Variants in TRPS1 observed in about 807,000 individuals in gnomAD.
The protein encoded by TRPS1 is transcriptional repressor GATA binding 1.
A neutral mutation model predicts 101.2 loss-of-function variants in TRPS1; 6 were observed. The ratio of observed to expected loss-of-function variants is 0.06; its 90% CI spans 0.03 to 0.12. The LOEUF is 0.12. Among genes scored for constraint, TRPS1 ranks in the 10% least tolerant of loss-of-function variants. The pLI is 1.00. For missense variants in TRPS1, 1,363 were observed against 1,567.0 expected (o/e 0.87, Z 2.20); for synonymous variants, 578 against 589.8 (o/e 0.98, Z 0.29).
At chr8:115,662,434 G>C (rs1811823430) in intron 1 of TRPS1, among the ~76,000 whole-genome samples, 1 of 151,940 alleles carries the variant, frequency 6.6e-6, no homozygotes, top group African/African-American at 2.4e-5. Context: ...ATTCACAAAA[G>C]AAAAGTCGAA....
chr8:115,579,842 G>A (rs184045961), intron 5 of TRPS1, among the ~76,000 whole-genome samples: 2 of 152,198 alleles, frequency 1.3e-5, no homozygotes, highest in East Asian at 3.9e-4. Flanking sequence ...AATTACAAGT[G>A]AGAGGGAGGC....
chr8:115,629,884 C>T (rs561639868), intron 1 of TRPS1, among the ~76,000 whole-genome samples: 2 of 151,968 alleles, frequency 1.3e-5, no homozygotes, highest in South Asian at 4.1e-4. Context: ...AAAACCAATG[C>T]CTGGGGTCAC....
At chr8:115,640,916 T>G (rs1818881004) in intron 1 of TRPS1, among the ~76,000 whole-genome samples, 2 of 152,190 alleles carry the variant, frequency 1.3e-5, no homozygotes, top group South Asian at 4.1e-4. Context: ...ACTTCTACAT[T>G]TATTCAGGTA....
chr8:115,542,447 T>C (rs1417678559), intron 5 of TRPS1, among the ~76,000 whole-genome samples: 2 of 152,134 alleles, frequency 1.3e-5, no homozygotes, highest in African/African-American at 4.8e-5. Flanking sequence ...AGATGATTTA[T>C]TTATTTCTGG....
chr8:115,434,468 C>T (rs1057072719), intron 5 of TRPS1, among the ~76,000 whole-genome samples: 3 of 152,142 alleles, frequency 2.0e-5, no homozygotes, highest in Non-Finnish European at 4.4e-5. Context: ...TACCAAATTA[C>T]TGTAACAACA....
intron 1 of TRPS1, among the ~76,000 whole-genome samples, chr8:115,656,910 G>A (rs1346423679): frequency 1.3e-5 from 2 of 152,022 alleles, no homozygotes; most frequent in African/African-American, 4.8e-5. Flanking sequence ...TTTCTGATAA[G>A]CTTTAAAAGA....
At chr8:115,508,880 G>T (rs935770880) in intron 5 of TRPS1, among the ~76,000 whole-genome samples, 1 of 151,856 alleles carries the variant, frequency 6.6e-6, no homozygotes, top group Non-Finnish European at 1.5e-5. Flanking sequence ...GGGTACTTAA[G>T]ACTTTGGGGC....
intron 5 of TRPS1, among the ~76,000 whole-genome samples, chr8:115,505,963 C>A (rs927335488): frequency 6.6e-6 from 1 of 151,860 alleles, no homozygotes; most frequent in Non-Finnish European, 1.5e-5. Context: ...AACTTCAAAA[C>A]TATAATGGCT....
intron 1 of TRPS1, among the ~76,000 whole-genome samples, chr8:115,627,871 T>C (rs1336317121): frequency 6.6e-6 from 1 of 151,704 alleles, no homozygotes; most frequent in Non-Finnish European, 1.5e-5. Flanking sequence ...ATATACAGTA[T>C]AGTGAATCTA....
At chr8:115,612,042 A>G (rs1818180489) in intron 3 of TRPS1, among the ~76,000 whole-genome samples, 2 of 152,004 alleles carry the variant, frequency 1.3e-5, no homozygotes, top group Non-Finnish European at 1.5e-5. Context: ...AAATTAAAGG[A>G]AAGAAGAAAG....
At chr8:115,438,462 C>T (rs1290590936) in intron 5 of TRPS1, among the ~76,000 whole-genome samples, 1 of 152,190 alleles carries the variant, frequency 6.6e-6, no homozygotes, top group African/African-American at 2.4e-5. Flanking sequence ...AGAAGAGCAA[C>T]TGGTCAATCA....
At chr8:115,574,525 T>G (rs1020676574) in intron 5 of TRPS1, among the ~76,000 whole-genome samples, 1 of 152,080 alleles carries the variant, frequency 6.6e-6, no homozygotes, top group African/African-American at 2.4e-5. Context: ...CATAGAATAG[T>G]TTTGTACTCT....
intron 5 of TRPS1, among the ~76,000 whole-genome samples, chr8:115,564,145 T>TTAA: frequency 6.6e-6 from 1 of 152,120 alleles, no homozygotes; most frequent in East Asian, 1.9e-4. Context: ...AAATTACACG[T>TTAA]TACACAATGA....
At chr8:115,428,789 C>T (rs943692670) in intron 5 of TRPS1, among the ~76,000 whole-genome samples, 2 of 152,168 alleles carry the variant, frequency 1.3e-5, no homozygotes, top group Non-Finnish European at 2.9e-5. Flanking sequence ...CACTATAAAT[C>T]ATTAAAAATA....
At chr8:115,444,620 G>C (rs1813686944) in intron 5 of TRPS1, among the ~76,000 whole-genome samples, 1 of 152,176 alleles carries the variant, frequency 6.6e-6, no homozygotes, top group South Asian at 2.1e-4. Context: ...AGAGGGCAAA[G>C]AGCACCCTTT....
chr8:115,469,861 A>G (rs998111431), intron 5 of TRPS1, among the ~76,000 whole-genome samples: 3 of 152,136 alleles, frequency 2.0e-5, no homozygotes, highest in Non-Finnish European at 4.4e-5. Context: ...CCACTATGCC[A>G]TATCAATGCT....
At chr8:115,562,654 AT>A (rs902487512) in intron 5 of TRPS1, among the ~76,000 whole-genome samples, 118 of 151,956 alleles carry the variant, frequency 7.8e-4, no homozygotes, top group African/African-American at 2.7e-3. Context: ...AAAATTTTGA[AT>A]TTTTTTTCAA....
intron 5 of TRPS1, among the ~76,000 whole-genome samples, chr8:115,582,925 G>A (rs533286462): frequency 3.4e-4 from 52 of 152,260 alleles, no homozygotes; most frequent in Admixed American, 1.1e-3. Flanking sequence ...ATAACATTCC[G>A]TTTTGACAAA....
At chr8:115,665,083 AAAG>A (rs778840091) in intron 1 of TRPS1, among the ~76,000 whole-genome samples, 5 of 152,274 alleles carry the variant, frequency 3.3e-5, no homozygotes, top group Non-Finnish European at 7.4e-5. Context: ...GTTGCTATCA[AAAG>A]AAGAACTGAA....
Sources: gnomAD v4.1 joint callset for allele counts (sites outside exome capture counted in the v4.1 genomes callset) on GRCh38, gnomAD v4.1.1 for gene constraint, MANE v1.5 for transcripts, NCBI Gene and HGNC (gene_info 2026-07-23, HGNC 2026-07-21) for gene names.